The following CRIM1 variants were observed in gnomAD, a reference collection of about 807,000 sequenced individuals.
CRIM1 encodes the protein cysteine rich transmembrane BMP regulator 1, also known as cysteine-rich motor neuron 1 protein.
In CRIM1, 32 loss-of-function variants were observed where a neutral mutation model predicts 116.4. The ratio of observed to expected loss-of-function variants is 0.27; its 90% CI spans 0.21 to 0.37. The LOEUF is 0.37. Ranked by LOEUF, CRIM1 falls within the 10% of genes least tolerant of loss-of-function variation. The pLI, the probability that CRIM1 is intolerant of heterozygous loss-of-function variation, is 1.00. For missense variants in CRIM1, 1,331 were observed against 1,354.8 expected, an observed-to-expected ratio of 0.98 and a Z score of 0.28; for synonymous variants, 590 against 509.2, an observed-to-expected ratio of 1.16 and a Z score of -2.13.
At chr2:36,370,199 CTTT>C (rs35408019) in intron 1 of CRIM1, among the ~76,000 whole-genome samples, 2 of 127,646 alleles carry the variant, frequency 1.6e-5, no homozygotes, top group South Asian at 5.1e-4. Context: ...GGGACAAAAG[CTTT>C]TTTTTTTTTT....
chr2:36,442,484 G>A (rs1277768253), intron 3 of CRIM1, 131 bp from the exon 4 acceptor site: 1 of 1,023,836 alleles, frequency 9.8e-7, no homozygotes, highest in East Asian at 2.4e-5. Context: ...GGAGTAACAT[G>A]TCGACACTAG....
At chr2:36,524,145 T>C (rs182325157) in intron 13 of CRIM1, among the ~76,000 whole-genome samples, 25 of 152,334 alleles carry the variant, frequency 1.6e-4, no homozygotes, top group Admixed American at 5.2e-4. Context: ...ACAATAGTCA[T>C]ACATAGATCA....
chr2:36,399,453 G>T (rs188912894), intron 2 of CRIM1, among the ~76,000 whole-genome samples: 1 of 152,314 alleles, frequency 6.6e-6, no homozygotes, highest in East Asian at 1.9e-4. Flanking sequence ...CATTTTGATG[G>T]AAGAACCTAC....
chr2:36,527,480 C>G (rs1665830681), intron 13 of CRIM1, among the ~76,000 whole-genome samples: 1 of 152,132 alleles, frequency 6.6e-6, no homozygotes, highest in Non-Finnish European at 1.5e-5. Context: ...TGTATTTCTT[C>G]TCAACTGGCT....
At chr2:36,403,208 C>A (rs752482583) in intron 2 of CRIM1, among the ~76,000 whole-genome samples, 12 of 152,140 alleles carry the variant, frequency 7.9e-5, no homozygotes, top group Non-Finnish European at 8.8e-5. Flanking sequence ...ATATGTGGAA[C>A]CTAGTGCTGC....
At chr2:36,357,445 G>T (rs891161940) in intron 1 of CRIM1, among the ~76,000 whole-genome samples, 2 of 152,058 alleles carry the variant, frequency 1.3e-5, no homozygotes, top group African/African-American at 4.8e-5. Flanking sequence ...CACGCATTGT[G>T]CTCCGCGGTG....
chr2:36,372,636 A>T (rs62134623), intron 1 of CRIM1, among the ~76,000 whole-genome samples: 1 of 152,184 alleles, frequency 6.6e-6, no homozygotes, highest in Non-Finnish European at 1.5e-5. Flanking sequence ...ACTTTAGTCA[A>T]TGTGCCCATT....
intron 2 of CRIM1, among the ~76,000 whole-genome samples, chr2:36,406,190 C>G (rs1355083514): frequency 6.6e-6 from 1 of 152,134 alleles, no homozygotes; most frequent in East Asian, 1.9e-4. Flanking sequence ...TTGCTGTTTA[C>G]TATGAGAGTA....
chr2:36,512,147 T>A, intron 9 of CRIM1, 126 bp from the exon 10 acceptor site: 2 of 1,165,976 alleles, frequency 1.7e-6, no homozygotes, highest in South Asian at 3.1e-5. Flanking sequence ...CCAGGAATCT[T>A]TGAGAGCAAA....
intron 9 of CRIM1, among the ~76,000 whole-genome samples, chr2:36,511,990 T>G (rs954406138): frequency 6.6e-6 from 1 of 152,246 alleles, no homozygotes; most frequent in African/African-American, 2.4e-5. Context: ...TTTATTGTGG[T>G]GTACCACTCT....
intron 7 of CRIM1, among the ~76,000 whole-genome samples, chr2:36,497,888 CAGG>C (rs1680711257): frequency 6.6e-6 from 1 of 152,140 alleles, no homozygotes; most frequent in Non-Finnish European, 1.5e-5. Flanking sequence ...TCCCTGGTAA[CAGG>C]AGATGAAACT....
intron 2 of CRIM1, among the ~76,000 whole-genome samples, chr2:36,401,406 C>G (rs1672393629): frequency 6.6e-6 from 1 of 152,184 alleles, no homozygotes. Context: ...TGCAAGTTAT[C>G]CCACCTTGAT....
chr2:36,464,717 G>A, intron 5 of CRIM1, 62 bp downstream of exon 5: 4 of 1,581,672 alleles, frequency 2.5e-6, no homozygotes, highest in Non-Finnish European at 3.5e-6. Context: ...AGGAGGGAGG[G>A]TTCAACTTAG....
At chr2:36,421,617 G>A (rs1674073703) in intron 2 of CRIM1, among the ~76,000 whole-genome samples, 1 of 152,224 alleles carries the variant, frequency 6.6e-6, no homozygotes, top group African/African-American at 2.4e-5. Flanking sequence ...AGAATGAAGT[G>A]TAGTCAGGCG....
At chr2:36,418,717 A>G (rs1468476064) in intron 2 of CRIM1, among the ~76,000 whole-genome samples, 1 of 152,188 alleles carries the variant, frequency 6.6e-6, no homozygotes, top group African/African-American at 2.4e-5. Context: ...GGGAAATCAC[A>G]TCTATAGATC....
At chr2:36,448,588 T>G (rs2124959562) in intron 4 of CRIM1, among the ~76,000 whole-genome samples, 1 of 152,288 alleles carries the variant, frequency 6.6e-6, no homozygotes, top group East Asian at 1.9e-4. Flanking sequence ...ACTTTCACTG[T>G]AAGTCACGAG....
chr2:36,525,722 AG>A (rs1171782320), intron 13 of CRIM1, among the ~76,000 whole-genome samples: 1 of 152,188 alleles, frequency 6.6e-6, no homozygotes, highest in East Asian at 1.9e-4. Flanking sequence ...CCTTGGCTGT[AG>A]GGCTCTTCCA....
rs1486009633 is a variant in CRIM1 at position 36,513,863 on chromosome 2, A to C, written c.1990+98A>C. On this transcript the variant is annotated intron_variant, in intron 11 of 16. Transcript: ENST00000280527. ...TAACTCTGGGGAGGTTGGAGGGGAC[A>C]ACCCCTGGAACACTTTTCAGCACTG... is the stretch of plus-strand genomic sequence containing the variant. 3 of 1,015,584 alleles carry C rather than the reference A, an allele frequency of 3.0e-6. No homozygotes were observed. In the African/African-American group the frequency reaches 4.8e-5, roughly 16 times the overall value. The allele number at this position is 1,015,584 out of a possible 1,614,324, so 62.9% of individuals were successfully genotyped here. A position where few individuals can be genotyped will look rare whatever the true frequency, so the allele number is the denominator to read the frequency against.
Position 36,550,327 on chromosome 2 carries a change from ATAAC to A in CRIM1, c.*1628_*1631del, listed in dbSNP as rs926636407. 1.3e-5 allele frequency: 2 copies of A among 151,790 alleles called. No individual in the cohort carries two copies. Among genetic ancestry groups the A allele is most frequent in the Non-Finnish European group, 2.9e-5 (2 of 67,968 alleles). The allele number at this position is 151,790 out of a possible 1,614,324, so 9.4% of individuals were successfully genotyped here. On this transcript the variant is annotated 3_prime_UTR_variant, in exon 17 of 17. Transcript: ENST00000280527. ...AAGTTTGTTGTAGTATGCCTCAAAT[ATAAC>A]TGACTGTATACTATAGTGGTAACTT...
Sources: gnomAD v4.1 joint callset for allele counts (sites outside exome capture counted in the v4.1 genomes callset) on GRCh38, gnomAD v4.1.1 for gene constraint, MANE v1.5 for transcripts, NCBI Gene and HGNC (gene_info 2026-07-23, HGNC 2026-07-21) for gene names.